The following ELOVL5 variants were observed in gnomAD, a reference collection of about 807,000 sequenced individuals.
The protein encoded by ELOVL5 is very long chain fatty acid elongase 5.
In ELOVL5, 8 loss-of-function variants were observed where a neutral mutation model predicts 38.6. The ratio of observed to expected loss-of-function variants is 0.21; its 90% CI spans 0.12 to 0.37. The LOEUF (loss-of-function observed/expected upper bound fraction) is 0.37, where lower values mean the gene tolerates loss of function less well. Among genes scored for constraint, ELOVL5 ranks in the 10% least tolerant of loss-of-function variants. The probability of loss-of-function intolerance (pLI) is 1.00; values close to 1 mark genes in which losing one functional copy is unlikely to be tolerated. For missense variants in ELOVL5, 280 were observed against 367.8 expected (o/e 0.76, Z 1.95); for synonymous variants, 127 against 133.7 (o/e 0.95, Z 0.34).
Position 53,269,061 on chromosome 6 carries a change from T to TG in ELOVL5, c.*65dup. 6.4e-7 allele frequency: 1 copy of TG among 1,562,186 alleles called. No individual in the cohort carries two copies. Among genetic ancestry groups the TG allele is most frequent in the Non-Finnish European group, 8.7e-7 (1 of 1,148,286 alleles). ...AGTTACAGCAGCTGTTAACGAGCAT[T>TG]GGGGCACAACTCATATTGTGCTTAC... On this transcript the variant is annotated 3_prime_UTR_variant, in exon 8 of 8. Coordinates refer to ENST00000304434, the MANE Select transcript of ELOVL5 (RefSeq NM_021814.5).
intron 1 of ELOVL5, among the ~76,000 whole-genome samples, chr6:53,326,762 T>C (rs1224780198): frequency 6.6e-6 from 1 of 152,178 alleles, no homozygotes; most frequent in Admixed American, 6.5e-5. Context: ...GAAAGCAGTT[T>C]TGCCCTAGGC....
intron 1 of ELOVL5, among the ~76,000 whole-genome samples, chr6:53,326,641 C>G (rs576726840): frequency 1.6e-4 from 24 of 152,336 alleles, no homozygotes; most frequent in African/African-American, 5.5e-4. Context: ...AGGTCCCTCT[C>G]TGTACATTCT....
intron 3 of ELOVL5, among the ~76,000 whole-genome samples, chr6:53,278,645 A>C (rs1766234216): frequency 6.6e-6 from 1 of 152,202 alleles, no homozygotes; most frequent in Admixed American, 6.5e-5. Context: ...CTCCTGAAGC[A>C]TAAACCAGGT....
intron 1 of ELOVL5, among the ~76,000 whole-genome samples, chr6:53,332,972 C>T (rs1768873038): frequency 6.6e-6 from 1 of 152,150 alleles, no homozygotes; most frequent in Non-Finnish European, 1.5e-5. Flanking sequence ...GGAAGAAAAG[C>T]AGGTCAGCAA....
intron 1 of ELOVL5, among the ~76,000 whole-genome samples, chr6:53,301,618 G>A (rs1222455432): frequency 6.6e-6 from 1 of 151,964 alleles, no homozygotes; most frequent in African/African-American, 2.4e-5. Flanking sequence ...TAGTAACAGG[G>A]CCCAGTGAAA....
chr6:53,271,510 ACTGCACTCCAGCCTG>A (rs1765930566), intron 6 of ELOVL5, among the ~76,000 whole-genome samples: 1 of 152,058 alleles, frequency 6.6e-6, no homozygotes, highest in Non-Finnish European at 1.5e-5. Flanking sequence ...AGATCGCGCC[ACTGCACTCCAGCCTG>A]GTGACAGAGC....
intron 3 of ELOVL5, among the ~76,000 whole-genome samples, chr6:53,284,609 C>T (rs188094165): frequency 5.2e-4 from 79 of 152,286 alleles, no homozygotes; most frequent in Middle Eastern, 3.4e-3. Flanking sequence ...AAAGTACAGG[C>T]ATACCTCATC....
Position 53,348,938 on chromosome 6 carries a change from G to A in ELOVL5, c.-130C>T, listed in dbSNP as rs748728827. On this transcript the variant is annotated 5_prime_UTR_variant, in exon 1 of 8. Transcript: ENST00000304434. ...GGAGACACCGGTGGCTAGGACCCGC[G>A]CGATGGGAAGAGGAAGGCGCCGGCT... 16 of 435,828 alleles carry A rather than the reference G, an allele frequency of 3.7e-5. No individual in the cohort carries two copies. Among genetic ancestry groups the A allele is most frequent in the South Asian group, 2.2e-4 (14 of 63,140 alleles). The allele number at this position is 435,828 out of a possible 1,614,324, so 27.0% of individuals were successfully genotyped here. A position where few individuals can be genotyped will look rare whatever the true frequency, so the allele number is the denominator to read the frequency against.
chr6:53,335,144 A>C (rs1023488419), intron 1 of ELOVL5, among the ~76,000 whole-genome samples: 2 of 152,186 alleles, frequency 1.3e-5, no homozygotes, highest in African/African-American at 4.8e-5. Context: ...ATGTAGCTGA[A>C]GCCACCATCA....
At chr6:53,285,312 A>G (rs1766526965) in intron 3 of ELOVL5, among the ~76,000 whole-genome samples, 1 of 152,258 alleles carries the variant, frequency 6.6e-6, no homozygotes, top group Non-Finnish European at 1.5e-5. Context: ...CAAACCAGCC[A>G]TAACATTCCC....
chr6:53,305,507 T>G (rs1258970876), intron 1 of ELOVL5, among the ~76,000 whole-genome samples: 22 of 111,606 alleles, frequency 2.0e-4, no homozygotes, highest in Non-Finnish European at 1.1e-4. Context: ...AGGCGGAGGG[T>G]CTCCTCACTT....
At chr6:53,326,720 G>A (rs1768558799) in intron 1 of ELOVL5, among the ~76,000 whole-genome samples, 1 of 152,182 alleles carries the variant, frequency 6.6e-6, no homozygotes, top group Non-Finnish European at 1.5e-5. Context: ...TTATGTATCT[G>A]TGGGATGACT....
intron 1 of ELOVL5, among the ~76,000 whole-genome samples, chr6:53,328,316 TA>T (rs201722454): frequency 1.3e-5 from 2 of 152,068 alleles, no homozygotes; most frequent in Admixed American, 6.5e-5. Flanking sequence ...TATATCCCAT[TA>T]AAAAAAATCT....
intron 1 of ELOVL5, among the ~76,000 whole-genome samples, chr6:53,314,557 C>T (rs1221651998): frequency 6.6e-6 from 1 of 152,130 alleles, no homozygotes; most frequent in Non-Finnish European, 1.5e-5. Flanking sequence ...TTACTGAGCA[C>T]CAAATGTGTA....
rs7751617 is a variant in ELOVL5 at position 53,281,877 on chromosome 6, C to A, written c.247-5621G>T. On this transcript the variant is annotated intron_variant, in intron 3 of 7. Coordinates refer to ENST00000304434, the MANE Select transcript of ELOVL5 (RefSeq NM_021814.5). ...GGAATACCCCTGGGTTATAGCTGAA[C>A]GTAACACTCTTGGCTAAGTTAAAAA... is the stretch of plus-strand genomic sequence containing the variant. Among the ~76,000 whole-genome samples the A allele has an allele frequency of 4.0e-3, 611 of 150,958 alleles. 3 individuals carry two copies. The highest frequency in any genetic ancestry group is 0.014 in the African/African-American group (571 of 40,948).
At position 53,336,190 on chromosome 6, in the gene ELOVL5, C is replaced by T. The variant is rs148266224; in HGVS notation, c.-9+12627G>A. Among the ~76,000 whole-genome samples the T allele has an allele frequency of 3.8e-3, 586 of 152,306 alleles. 2 individuals carry two copies. Among genetic ancestry groups the T allele is most frequent in the African/African-American group, 0.012 (517 of 41,560 alleles). On this transcript the variant is annotated intron_variant, in intron 1 of 7. Coordinates refer to ENST00000304434, the MANE Select transcript of ELOVL5 (RefSeq NM_021814.5). ...CTTTTTACTGGTAACTGTATTGTCACGTGTAGGGTCCACATTCCTTAGCAG... is the reference window on the plus strand; with the variant it reads ...CTTTTTACTGGTAACTGTATTGTCATGTGTAGGGTCCACATTCCTTAGCAG...
At chr6:53,323,439 G>A (rs1253554400) in intron 1 of ELOVL5, among the ~76,000 whole-genome samples, 1 of 152,098 alleles carries the variant, frequency 6.6e-6, no homozygotes, top group African/African-American at 2.4e-5. Flanking sequence ...TTAATTCTCA[G>A]GTAAGGAGGC....
chr6:53,317,063 C>G (rs209491), intron 1 of ELOVL5, among the ~76,000 whole-genome samples: 140,131 of 152,254 alleles, frequency 0.92, 64,818 homozygotes, highest in African/African-American at 0.98. Flanking sequence ...CCTTAAGCTA[C>G]GACCTAACCC....
intron 1 of ELOVL5, among the ~76,000 whole-genome samples, chr6:53,343,996 T>C (rs775679313): frequency 1.3e-5 from 2 of 152,220 alleles, no homozygotes; most frequent in African/African-American, 2.4e-5. Flanking sequence ...TTCTGTAATA[T>C]TAAAATGTGG....
Sources: gnomAD v4.1 joint callset for allele counts (sites outside exome capture counted in the v4.1 genomes callset) on GRCh38, gnomAD v4.1.1 for gene constraint, MANE v1.5 for transcripts, NCBI Gene and HGNC (gene_info 2026-07-23, HGNC 2026-07-21) for gene names.